LMNB1: variants seen among roughly 807,000 people sequenced by gnomAD.
The protein encoded by LMNB1 is lamin-B1.
LMNB1 carries 23 observed loss-of-function variants against 67.1 expected under a neutral mutation model. The observed-to-expected ratio is 0.34, with a 90% confidence interval of 0.25 to 0.49. The LOEUF (loss-of-function observed/expected upper bound fraction) is 0.49, where lower values mean the gene tolerates loss of function less well. Among genes scored for constraint, LMNB1 ranks in the 20% least tolerant of loss-of-function variants. The pLI, the probability that LMNB1 is intolerant of heterozygous loss-of-function variation, is 0.99. For synonymous variants in LMNB1, 281 were observed against 282.9 expected (o/e 0.99, Z 0.07); for missense variants, 634 against 746.5 (o/e 0.85, Z 1.76).
At chr5:126,780,423 C>G (rs1223748505) in intron 1 of LMNB1, among the ~76,000 whole-genome samples, 1 of 152,158 alleles carries the variant, frequency 6.6e-6, no homozygotes, top group East Asian at 1.9e-4. Context: ...GTTTTTCACA[C>G]AGTAACAAGG....
At chr5:126,808,653 G>T (rs1751511741) in intron 3 of LMNB1, among the ~76,000 whole-genome samples, 1 of 152,146 alleles carries the variant, frequency 6.6e-6, no homozygotes, top group South Asian at 2.1e-4. Flanking sequence ...TGTGATTTAG[G>T]TATTATTTGC....
chr5:126,800,154 C>T (rs1430442065), intron 1 of LMNB1, among the ~76,000 whole-genome samples: 1 of 152,170 alleles, frequency 6.6e-6, no homozygotes, highest in Non-Finnish European at 1.5e-5. Context: ...AGTATCCCCA[C>T]CCTATACCAG....
chr5:126,810,359 T>G lies in LMNB1; in HGVS notation c.813+9T>G, dbSNP rs765719133. On this transcript the variant is annotated intron_variant, in intron 4 of 10. Coordinates refer to ENST00000261366, the MANE Select transcript of LMNB1 (RefSeq NM_005573.4). ...AGACTTACCATGCCAAAGTGAGCTCTCTTCAGAAGATTCTTTTGAACACTT... is the reference window on the plus strand; with the variant it reads ...AGACTTACCATGCCAAAGTGAGCTCGCTTCAGAAGATTCTTTTGAACACTT... The G allele has an allele frequency of 6.3e-7, 1 of 1,576,008 alleles. No individual in the cohort carries two copies. Among genetic ancestry groups the G allele is most frequent in the Non-Finnish European group, 8.7e-7 (1 of 1,150,288 alleles).
At chr5:126,791,784 GTC>G (rs1748128118) in intron 1 of LMNB1, among the ~76,000 whole-genome samples, 3 of 148,350 alleles carry the variant, frequency 2.0e-5, no homozygotes, top group Non-Finnish European at 4.5e-5. Context: ...TTCCCTTGAT[GTC>G]TCTTTTTTTG....
chr5:126,828,883 A>C (rs760649158), intron 9 of LMNB1, among the ~76,000 whole-genome samples: 1 of 152,112 alleles, frequency 6.6e-6, no homozygotes, highest in Non-Finnish European at 1.5e-5. Flanking sequence ...TCTTTTAACA[A>C]ACTTCTAATA....
rs1031547151 is a variant in LMNB1, at chr5:126,793,923, T to C, written c.360-10853T>C. Among the ~76,000 whole-genome samples the C allele has an allele frequency of 9.2e-4, 139 of 150,286 alleles. 1 individual carries two copies. The highest frequency in any genetic ancestry group is 3.2e-3 in the African/African-American group (132 of 40,944). On this transcript the variant is annotated intron_variant, in intron 1 of 10. Coordinates refer to ENST00000261366, the MANE Select transcript of LMNB1 (RefSeq NM_005573.4). ...AGAAAGAAATTGTGATCATAAGACC[T>C]TCTAGAGTTTTTGTGTAATTTTTTT... is the stretch of plus-strand genomic sequence containing the variant.
At chr5:126,793,731 C>A (rs1751022379) in intron 1 of LMNB1, among the ~76,000 whole-genome samples, 1 of 151,982 alleles carries the variant, frequency 6.6e-6, no homozygotes, top group African/African-American at 2.4e-5. Context: ...CAAAAATTAG[C>A]CGAATGTAGT....
At chr5:126,794,932 A>G (rs1222179886) in intron 1 of LMNB1, among the ~76,000 whole-genome samples, 1 of 152,168 alleles carries the variant, frequency 6.6e-6, no homozygotes, top group Non-Finnish European at 1.5e-5. Context: ...TGACCAAGAG[A>G]ATGTTAACAG....
chr5:126,781,788 C>G (rs1366500600), intron 1 of LMNB1, among the ~76,000 whole-genome samples: 1 of 152,114 alleles, frequency 6.6e-6, no homozygotes, highest in Non-Finnish European at 1.5e-5. Flanking sequence ...GTATAATCAT[C>G]ATTTAGGTAG....
chr5:126,821,251 G>T lies in LMNB1; in HGVS notation c.1386+116G>T, dbSNP rs116173137. On this transcript the variant is annotated intron_variant, in intron 7 of 10. Coordinates refer to ENST00000261366, the MANE Select transcript of LMNB1 (RefSeq NM_005573.4). ...TTCATTACGTCTTCATGGAATAAGG[G>T]TTTATGTCCTTTTTACTTAAATTCA... 193 of 640,296 alleles carry T rather than the reference G, an allele frequency of 3.0e-4. 1 individual carries two copies. In the African/African-American group the frequency reaches 3.2e-3, roughly 11 times the overall value. 39.7% of individuals were successfully genotyped at this position (640,296 alleles called of 1,614,324 possible).
intron 8 of LMNB1, among the ~76,000 whole-genome samples, chr5:126,825,203 G>A (rs1286377352): frequency 2.6e-5 from 4 of 152,132 alleles, no homozygotes; most frequent in Admixed American, 6.5e-5. Context: ...TCAAACCTAG[G>A]CTTTCTGACT....
At chr5:126,826,169 A>T in intron 9 of LMNB1, 62 bp downstream of exon 9, 4 of 1,542,398 alleles carry the variant, frequency 2.6e-6, no homozygotes, top group Non-Finnish European at 1.8e-6. Context: ...CTGTGCAAGT[A>T]TAATCAAGAT....
In LMNB1 at chr5:126,819,459, ATTATTTATTTAT is replaced by A. The variant is rs60317211; in HGVS notation, c.1160+352_1160+363del. ...AAACTGGCTGAAAGAGACTTTACAT[ATTATTTATTTAT>A]TTATTTATTTATTTATTTATTTATT... is the stretch of plus-strand genomic sequence containing the variant. On this transcript the variant is annotated intron_variant, in intron 6 of 10. Coordinates refer to ENST00000261366, the MANE Select transcript of LMNB1 (RefSeq NM_005573.4). 2.9e-3 allele frequency among the ~76,000 whole-genome samples: 417 copies of A among 142,854 alleles called. 1 individual carries two copies. The highest frequency in any genetic ancestry group is 9.1e-3 in the African/African-American group (352 of 38,642). The allele number at this position is 142,854 out of a possible 152,430, so 93.7% of individuals were successfully genotyped here.
intron 1 of LMNB1, among the ~76,000 whole-genome samples, chr5:126,790,985 C>T (rs1004750203): frequency 3.9e-5 from 6 of 151,998 alleles, no homozygotes; most frequent in Non-Finnish European, 2.9e-5. Context: ...CGCGCCATTG[C>T]ACTCCAGCCT....
At chr5:126,814,972 G>A (rs1050665494) in intron 5 of LMNB1, among the ~76,000 whole-genome samples, 1 of 152,302 alleles carries the variant, frequency 6.6e-6, no homozygotes, top group East Asian at 1.9e-4. Context: ...GATAGGAGAC[G>A]AGCAATCCCT....
chr5:126,821,522 TG>T (rs775364146), intron 7 of LMNB1, among the ~76,000 whole-genome samples: 1 of 152,208 alleles, frequency 6.6e-6, no homozygotes, highest in Non-Finnish European at 1.5e-5. Flanking sequence ...AAAAGCTTAC[TG>T]AAAGAAGGAG....
chr5:126,821,813 G>A (rs759376944), intron 7 of LMNB1, among the ~76,000 whole-genome samples: 20 of 151,936 alleles, frequency 1.3e-4, no homozygotes, highest in Non-Finnish European at 2.9e-5. Flanking sequence ...GCGTGCAGGC[G>A]GCAGTGGGAT....
At chr5:126,807,303 T>C (rs1751466668) in intron 3 of LMNB1, among the ~76,000 whole-genome samples, 1 of 152,198 alleles carries the variant, frequency 6.6e-6, no homozygotes, top group South Asian at 2.1e-4. Flanking sequence ...ACAGTGCAAA[T>C]AGGAATTCAT....
rs1305494815 is a variant in LMNB1, at chr5:126,819,160, C to T, written c.1160+18C>T. The T allele has an allele frequency of 1.5e-5, 24 of 1,571,694 alleles. No homozygotes were observed. The highest frequency in any genetic ancestry group is 4.1e-5 in the African/African-American group (3 of 74,020). On this transcript the variant is annotated intron_variant, in intron 6 of 10. Coordinates refer to ENST00000261366, the MANE Select transcript of LMNB1 (RefSeq NM_005573.4). ...GAAGAGAGGTAAGGAACTTAAGGGTCACCCTACCTTATGGTCCACTTTTTG... is the reference window on the plus strand; with the variant it reads ...GAAGAGAGGTAAGGAACTTAAGGGTTACCCTACCTTATGGTCCACTTTTTG...
Sources: allele counts gnomAD v4.1 joint callset (sites outside exome capture counted in the v4.1 genomes callset), GRCh38; gene constraint gnomAD v4.1.1; transcripts MANE v1.5; gene names NCBI Gene and HGNC (gene_info 2026-07-23, HGNC 2026-07-21).